The following SPTA1 variants were observed in gnomAD, a reference collection of about 807,000 sequenced individuals.
SPTA1 encodes spectrin alpha chain, erythrocytic 1.
A neutral mutation model predicts 324.7 loss-of-function variants in SPTA1; 177 were observed. The ratio of observed to expected loss-of-function variants is 0.55; its 90% CI spans 0.48 to 0.62. The LOEUF is 0.62. Ranked by LOEUF, SPTA1 falls within the 20% of genes least tolerant of loss-of-function variation. The pLI is 0.00. For synonymous variants in SPTA1, 1,195 were observed against 1,041.3 expected, an observed-to-expected ratio of 1.15 and a Z score of -2.84; for missense variants, 3,162 against 2,883.6, an observed-to-expected ratio of 1.10 and a Z score of -2.21.
At position 158,642,456 on chromosome 1, in the gene SPTA1, G is replaced by C; in HGVS notation, c.4692C>G (p.Ser1564=). 1.2e-6 allele frequency: 2 copies of C among 1,613,640 alleles called. No homozygotes were observed. The highest frequency in any genetic ancestry group is 1.7e-6 in the Non-Finnish European group (2 of 1,179,720). The change falls in exon 33 of 52, where the codon TCC becomes TCG. Residue 1564 remains serine, a synonymous_variant. Coordinates refer to ENST00000643759, the MANE Select transcript of SPTA1 (RefSeq NM_003126.4). The part of the protein sequence containing the change: ...QVHGVINLGN[S]LIECSACDGN... Reference sequence around the variant, plus strand: ...CATCACAAGCGCTACACTCAATCAGGGAGTTCCCCAGGTTGATGACGCCAT... The same window carrying C: ...CATCACAAGCGCTACACTCAATCAGCGAGTTCCCCAGGTTGATGACGCCAT...
Position 158,651,357 on chromosome 1 carries a change from C to G in SPTA1, c.3477+10G>C, listed in dbSNP as rs201932894. The G allele has an allele frequency of 5.0e-5, 79 of 1,595,484 alleles. No homozygotes were observed. The African/African-American group carries it at 9.4e-4, about 19-fold the overall frequency. On this transcript the variant is annotated intron_variant, in intron 24 of 51. Transcript: ENST00000643759. ...TGGTAGTGAGGAGGAATGGAGGGAGCCTTAGTTACCTGCCGGATTTGAGCT... is the reference window on the plus strand; with the variant it reads ...TGGTAGTGAGGAGGAATGGAGGGAGGCTTAGTTACCTGCCGGATTTGAGCT...
At chr1:158,652,300 A>T (rs1652500183) in intron 23 of SPTA1, among the ~76,000 whole-genome samples, 167 bp downstream of exon 23, 1 of 152,220 alleles carries the variant, frequency 6.6e-6, no homozygotes, top group Non-Finnish European at 1.5e-5. Flanking sequence ...TTTCCCTTCC[A>T]ATTATTAGCA....
rs1654947441 is a variant in SPTA1 at position 158,683,394 on chromosome 1, G to A, written c.367C>T (p.His123Tyr). Reference sequence around the variant, plus strand: ...ACCTTCGTTTCTTCGTGGGCAGAATGACCCATGGTAAATCGTTCTTCCCTT... The same window carrying A: ...ACCTTCGTTTCTTCGTGGGCAGAATAACCCATGGTAAATCGTTCTTCCCTT... ...KTREERFTMG[H>Y]SAHEETKAHI... is the part of the protein sequence containing the mutation. The change falls in exon 3 of 52, where the codon CAT becomes TAT. Residue 123 changes from histidine (H) to tyrosine (Y), a missense_variant. By Grantham distance (83) the His-to-Tyr change is moderately conservative. Coordinates refer to ENST00000643759, the MANE Select transcript of SPTA1 (RefSeq NM_003126.4). 6.2e-7 allele frequency: 1 copy of A among 1,613,228 alleles called. No homozygotes were observed. Among genetic ancestry groups the A allele is most frequent in the African/African-American group, 1.3e-5 (1 of 74,840 alleles).
Position 158,671,328 on chromosome 1 carries a change from G to C in SPTA1, c.1599+15C>G. 1 of 1,608,080 alleles carries C rather than the reference G, an allele frequency of 6.2e-7. No homozygotes were observed. ...AGAGAGGGAGCCAATGCCCAAACTAGGGCCAATTTCTTACTATGATCTTCT... is the reference window on the plus strand; with the variant it reads ...AGAGAGGGAGCCAATGCCCAAACTACGGCCAATTTCTTACTATGATCTTCT... On this transcript the variant is annotated intron_variant, in intron 12 of 51. Coordinates refer to ENST00000643759, the MANE Select transcript of SPTA1 (RefSeq NM_003126.4).
intron 15 of SPTA1, among the ~76,000 whole-genome samples, 148 bp downstream of exon 15, chr1:158,667,693 CAGGTTGGATTTTTAAAA>C (rs1303107537): frequency 6.6e-6 from 1 of 151,982 alleles, no homozygotes; most frequent in African/African-American, 2.4e-5. Context: ...GTTATAAATT[CAGGTTGGATTTTTAAAA>C]TTTTACCAAT....
Position 158,645,324 on chromosome 1 carries a change from G to A in SPTA1, c.4058C>T (p.Ala1353Val), listed in dbSNP as rs761757457. Residue 1353 changes from alanine to valine, a missense_variant, in exon 29 of 52, where the codon GCA (alanine) becomes GTA (valine). Coordinates refer to ENST00000643759, the MANE Select transcript of SPTA1 (RefSeq NM_003126.4). Reference protein sequence around the residue: ...PTFQALEDFSAELIDSGHHAS... With the variant: ...PTFQALEDFSVELIDSGHHAS... ...ATGGTGCCCACTGTCGATAAGTTCT[G>A]CACTGAAGTCCTCTAAGGCCTGGAA... is the stretch of plus-strand genomic sequence containing the variant. 11 of 1,613,890 alleles carry A rather than the reference G, an allele frequency of 6.8e-6. No individual in the cohort carries two copies. The highest frequency in any genetic ancestry group is 2.7e-5 in the African/African-American group (2 of 74,898).
chr1:158,680,784 G>T, intron 4 of SPTA1, 55 bp from the exon 5 acceptor site: 1 of 1,607,692 alleles, frequency 6.2e-7, no homozygotes, highest in Non-Finnish European at 8.5e-7. Flanking sequence ...GTTTCTGTAG[G>T]TCAAAAACTC....
intron 43 of SPTA1, among the ~76,000 whole-genome samples, chr1:158,621,514 G>C (rs901226671): frequency 6.6e-6 from 1 of 152,092 alleles, no homozygotes; most frequent in African/African-American, 2.4e-5. Flanking sequence ...TTTTCATAAT[G>C]TTATAGATTG....
chr1:158,648,597 G>T lies in SPTA1; in HGVS notation c.3626C>A (p.Ala1209Glu). 2 of 1,613,992 alleles carry T rather than the reference G, an allele frequency of 1.2e-6. No individual in the cohort carries two copies. The highest frequency in any genetic ancestry group is 8.5e-7 in the Non-Finnish European group (1 of 1,179,964). ...IEKKCQALSA[A>E]DPGSDLFSVQ... ...ACTGAACAGATCTGAGCCAGGGTCT[G>T]CAGCACTGAGGGCCTGGCATTTCTT... Residue 1209 changes from alanine (A) to glutamate (E), a missense_variant, in exon 26 of 52, where the codon GCA becomes GAA. By Grantham distance (107) the Ala-to-Glu change is moderately radical (BLOSUM62 -1). Coordinates refer to ENST00000643759, the MANE Select transcript of SPTA1 (RefSeq NM_003126.4).
chr1:158,618,229 A>ATCTTCTCAGAGTG, intron 45 of SPTA1, 173 bp from the exon 46 acceptor site: 1 of 653,440 alleles, frequency 1.5e-6, no homozygotes, highest in Non-Finnish European at 2.7e-6. Flanking sequence ...TCCCACTCTG[A>ATCTTCTCAGAGTG]GAAGATCAGA....
chr1:158,651,134 C>T (rs980203462), intron 24 of SPTA1, among the ~76,000 whole-genome samples: 1 of 152,184 alleles, frequency 6.6e-6, no homozygotes, highest in Non-Finnish European at 1.5e-5. Context: ...GCATGGAGGA[C>T]ACTCAATATA....
chr1:158,637,214 C>G (rs1339340752), intron 36 of SPTA1, among the ~76,000 whole-genome samples: 4 of 152,108 alleles, frequency 2.6e-5, no homozygotes, highest in Admixed American at 2.6e-4. Context: ...GGGATGCTTC[C>G]AAGTGCAAAA....
intron 30 of SPTA1, among the ~76,000 whole-genome samples, chr1:158,643,820 C>CCT (rs1651794021): frequency 6.6e-6 from 1 of 152,072 alleles, no homozygotes; most frequent in African/African-American, 2.4e-5. Context: ...GCCCTGCCTG[C>CCT]CTCAGTTTTT....
intron 35 of SPTA1, among the ~76,000 whole-genome samples, chr1:158,638,847 G>T (rs760015667): frequency 2.0e-5 from 3 of 149,706 alleles, no homozygotes; most frequent in Non-Finnish European, 4.4e-5. Flanking sequence ...TGATTGATTT[G>T]ACAGTACCAA....
At chr1:158,647,166 C>A (rs1048013396) in intron 27 of SPTA1, among the ~76,000 whole-genome samples, 1 of 152,134 alleles carries the variant, frequency 6.6e-6, no homozygotes, top group East Asian at 1.9e-4. Flanking sequence ...ATCATCTATT[C>A]TACCCAACTC....
At chr1:158,617,696 G>A (rs1440258205) in intron 46 of SPTA1, 108 bp from the exon 47 acceptor site, 1 of 1,161,654 alleles carries the variant, frequency 8.6e-7, no homozygotes, top group African/African-American at 1.5e-5. Flanking sequence ...AGGTTATGTG[G>A]CTTACATGAA....
Position 158,617,446 on chromosome 1 carries a change from A to G in SPTA1, c.6600+91T>C, listed in dbSNP as rs1344995733. 4 of 1,050,640 alleles carry G rather than the reference A, an allele frequency of 3.8e-6. No homozygotes were observed. The African/African-American group carries it at 4.7e-5, about 12-fold the overall frequency. 65.1% of individuals were successfully genotyped at this position (1,050,640 alleles called of 1,614,324 possible). ...AATGGACTTCAGGTGATACATACCT[A>G]AAAGTATCACCTGGGCTTCCCTTAG... On this transcript the variant is annotated intron_variant, in intron 47 of 51. Transcript: ENST00000643759.
intron 20 of SPTA1, among the ~76,000 whole-genome samples, chr1:158,655,211 C>T (rs1204321874): frequency 6.6e-6 from 1 of 151,918 alleles, no homozygotes; most frequent in East Asian, 1.9e-4. Context: ...ATGTCAGGAG[C>T]TCCGGACCTT....
At chr1:158,623,217 G>A (rs376494481) in intron 42 of SPTA1, 25 bp from the exon 43 acceptor site, 51 of 1,603,636 alleles carry the variant, frequency 3.2e-5, no homozygotes, top group Admixed American at 2.8e-4. Flanking sequence ...GAGAGAGGCC[G>A]TGAACAAGAA....
Sources: allele counts gnomAD v4.1 joint callset (sites outside exome capture counted in the v4.1 genomes callset), GRCh38; gene constraint gnomAD v4.1.1; transcripts MANE v1.5; gene names NCBI Gene and HGNC (gene_info 2026-07-23, HGNC 2026-07-21).